GOSR1: variants seen among roughly 807,000 people sequenced by gnomAD.
GOSR1 encodes golgi SNAP receptor complex member 1, also known as 28 kDa Golgi SNARE protein.
A neutral mutation model predicts 35.5 loss-of-function variants in GOSR1; 21 were observed. The observed-to-expected ratio is 0.59, with a 90% CI of 0.42 to 0.85. The LOEUF (loss-of-function observed/expected upper bound fraction) is 0.85. GOSR1 is among the 40% of genes least tolerant of loss of function. The probability of loss-of-function intolerance (pLI) is 0.00; values close to 1 mark genes in which losing one functional copy is unlikely to be tolerated. For missense variants in GOSR1, 285 were observed against 309.6 expected, an observed-to-expected ratio of 0.92 and a Z score of 0.60; for synonymous variants, 94 against 106.6, an observed-to-expected ratio of 0.88 and a Z score of 0.73.
intron 6 of GOSR1, among the ~76,000 whole-genome samples, chr17:30,504,951 G>T (rs1411600690): frequency 2.0e-5 from 3 of 152,242 alleles, no homozygotes; most frequent in Non-Finnish European, 4.4e-5. Context: ...ATGATAAAGT[G>T]TACCTGGCTG....
intron 6 of GOSR1, among the ~76,000 whole-genome samples, chr17:30,499,487 G>A (rs1967123066): frequency 1.3e-5 from 2 of 152,048 alleles, no homozygotes; most frequent in South Asian, 4.1e-4. Flanking sequence ...AACTACAGGC[G>A]CATGCCACCA....
At chr17:30,499,452 C>G (rs1597781879) in intron 6 of GOSR1, among the ~76,000 whole-genome samples, 1 of 151,482 alleles carries the variant, frequency 6.6e-6, no homozygotes, top group South Asian at 2.1e-4. Flanking sequence ...TGACATTCTC[C>G]TGCCTCAGCC....
chr17:30,525,700 T>C lies in GOSR1; in HGVS notation c.*3322T>C, dbSNP rs1968171571. On this transcript the variant is annotated 3_prime_UTR_variant, in exon 9 of 9. Coordinates refer to ENST00000451249, the MANE Select transcript of GOSR1 (RefSeq NM_001007025.2). ...TAAAGCTGATTGTGTGAGAGTGAAC[T>C]GGGACACAAGCTAGTCTAGCTCACT... 1 of 152,222 alleles carries C rather than the reference T, an allele frequency of 6.6e-6. No homozygotes were observed. The highest frequency in any genetic ancestry group is 2.4e-5 in the African/African-American group (1 of 41,454). 9.4% of individuals were successfully genotyped at this position (152,222 alleles called of 1,614,324 possible).
chr17:30,516,316 A>G (rs1167850886), intron 7 of GOSR1, among the ~76,000 whole-genome samples: 1 of 151,960 alleles, frequency 6.6e-6, no homozygotes, highest in Non-Finnish European at 1.5e-5. Context: ...TAAAAATACA[A>G]AAAATTAGCT....
rs1418140329 is a variant in GOSR1 at position 30,523,869 on chromosome 17, C to T, written c.*1491C>T. The stretch of plus-strand genomic sequence containing the variant: ...GGGAGACTTTTCATTTTGTTCTGTA[C>T]TAAGAAAAATTCTTCTGCCTTGGGA... On this transcript the variant is annotated 3_prime_UTR_variant, in exon 9 of 9. Coordinates refer to ENST00000451249, the MANE Select transcript of GOSR1 (RefSeq NM_001007025.2). 1 of 215,558 alleles carries T rather than the reference C, an allele frequency of 4.6e-6. No homozygotes were observed. The highest frequency in any genetic ancestry group is 9.0e-6 in the Non-Finnish European group (1 of 111,476). The allele number at this position is 215,558 out of a possible 1,614,324, so 13.4% of individuals were successfully genotyped here. A position where few individuals can be genotyped will look rare whatever the true frequency, so the allele number is the denominator to read the frequency against.
chr17:30,478,130 A>G (rs1410899660), intron 1 of GOSR1: 1 of 160,696 alleles, frequency 6.2e-6, no homozygotes, highest in Non-Finnish European at 1.3e-5. Flanking sequence ...TACTTCTCCC[A>G]CCAAAAAAAC....
At chr17:30,514,390 C>T (rs1567915245) in intron 7 of GOSR1, among the ~76,000 whole-genome samples, 2 of 152,190 alleles carry the variant, frequency 1.3e-5, no homozygotes, top group African/African-American at 2.4e-5. Flanking sequence ...GAACCATGTC[C>T]TTAGTAACTT....
chr17:30,514,030 C>G (rs1351483645), intron 7 of GOSR1, among the ~76,000 whole-genome samples: 1 of 152,214 alleles, frequency 6.6e-6, no homozygotes, highest in African/African-American at 2.4e-5. Context: ...ATAGTATCTA[C>G]TTGCAATACC....
intron 6 of GOSR1, 152 bp from the exon 7 acceptor site, chr17:30,510,728 T>G (rs752289814): frequency 4.3e-5 from 22 of 513,386 alleles, no homozygotes; most frequent in Non-Finnish European, 6.7e-5. Flanking sequence ...AAGAAAAAAA[T>G]TAGAGTCCAG....
At chr17:30,500,678 C>T (rs1967169167) in intron 6 of GOSR1, among the ~76,000 whole-genome samples, 2 of 152,116 alleles carry the variant, frequency 1.3e-5, no homozygotes, top group Non-Finnish European at 2.9e-5. Context: ...CTAACTTTAT[C>T]ATGTATCTTC....
chr17:30,494,887 C>G lies in GOSR1; in HGVS notation c.509+2134C>G, dbSNP rs1464580984. On this transcript the variant is annotated intron_variant, in intron 6 of 8. Transcript: ENST00000451249. The stretch of plus-strand genomic sequence containing the variant: ...CCTCTGAAAGTGCTGGGATTACAGG[C>G]GTGAGGCAATGTGCCCAGACTTTTT... Among the ~76,000 whole-genome samples, 17 of 151,038 alleles carry G rather than the reference C, an allele frequency of 1.1e-4. No homozygotes were observed. In the Middle Eastern group the frequency reaches 0.011, roughly 95 times the overall value.
intron 6 of GOSR1, among the ~76,000 whole-genome samples, chr17:30,502,703 G>T (rs1334895595): frequency 1.3e-5 from 2 of 152,168 alleles, no homozygotes; most frequent in Non-Finnish European, 2.9e-5. Flanking sequence ...CAGACTGAAA[G>T]GAATTATGCC....
At position 30,497,812 on chromosome 17, in the gene GOSR1, G is replaced by A. The variant is rs577605809; in HGVS notation, c.509+5059G>A. Among the ~76,000 whole-genome samples the A allele has an allele frequency of 7.9e-5, 12 of 152,204 alleles. No individual in the cohort carries two copies. In the South Asian group the frequency reaches 1.5e-3, roughly 18 times the overall value. On this transcript the variant is annotated intron_variant, in intron 6 of 8. Coordinates refer to ENST00000451249, the MANE Select transcript of GOSR1 (RefSeq NM_001007025.2). ...AGTGGCTCACGCCTGTAATTCCCGC[G>A]CTTTAGGAGGCCGAGGCAGGAGGAT... is the stretch of plus-strand genomic sequence containing the variant.
chr17:30,495,469 AC>A (rs554949079), intron 6 of GOSR1: 197 of 455,324 alleles, frequency 4.3e-4, no homozygotes, highest in Non-Finnish European at 7.3e-4. Context: ...GAGATAACTT[AC>A]ACAAGCAGAA....
At chr17:30,506,564 T>G (rs1967409243) in intron 6 of GOSR1, among the ~76,000 whole-genome samples, 3 of 152,222 alleles carry the variant, frequency 2.0e-5, no homozygotes, top group Admixed American at 2.0e-4. Context: ...AAAGAAGCCA[T>G]CTCTATAATA....
At chr17:30,516,790 T>C (rs1967834905) in intron 7 of GOSR1, among the ~76,000 whole-genome samples, 1 of 152,202 alleles carries the variant, frequency 6.6e-6, no homozygotes, top group Non-Finnish European at 1.5e-5. Context: ...CTCAGCTCAC[T>C]GCAACCTCTG....
chr17:30,497,799 C>G (rs1407666697), intron 6 of GOSR1, among the ~76,000 whole-genome samples: 2 of 152,220 alleles, frequency 1.3e-5, no homozygotes, highest in East Asian at 3.8e-4. Context: ...TGGCTCACGC[C>G]TGTAATTCCC....
At chr17:30,482,463 A>ATT (rs1221833884) in intron 2 of GOSR1, among the ~76,000 whole-genome samples, 4 of 152,210 alleles carry the variant, frequency 2.6e-5, no homozygotes, top group Non-Finnish European at 5.9e-5. Context: ...ATGTTTCTAT[A>ATT]TACCTAGCGG....
chr17:30,522,101 A>G (rs903823777), intron 8 of GOSR1, among the ~76,000 whole-genome samples, 153 bp from the exon 9 acceptor site: 96 of 152,340 alleles, frequency 6.3e-4, no homozygotes, highest in Non-Finnish European at 5.7e-4. Flanking sequence ...GGTTTGGGCA[A>G]CTGCATCTGC....
Sources: allele counts gnomAD v4.1 joint callset (sites outside exome capture counted in the v4.1 genomes callset), GRCh38; gene constraint gnomAD v4.1.1; transcripts MANE v1.5; gene names NCBI Gene and HGNC (gene_info 2026-07-23, HGNC 2026-07-21).